CEP83: variants seen among roughly 807,000 people sequenced by gnomAD.
The protein encoded by CEP83 is centrosomal protein 83.
Under a neutral mutation model 101.9 loss-of-function variants are expected in CEP83, and 70 were observed. The observed-to-expected ratio is 0.69, with a 90% CI of 0.57 to 0.84. The LOEUF (loss-of-function observed/expected upper bound fraction) is 0.84, where lower values mean the gene tolerates loss of function less well. CEP83 is among the 40% of genes least tolerant of loss of function. The pLI, the probability that CEP83 is intolerant of heterozygous loss-of-function variation, is 0.00. For missense variants in CEP83, 715 were observed against 787.2 expected (o/e 0.91, Z 1.10); for synonymous variants, 264 against 267.9 (o/e 0.99, Z 0.14).
At chr12:94,348,931 TCAA>T (rs2060072865) in intron 11 of CEP83, among the ~76,000 whole-genome samples, 1 of 152,002 alleles carries the variant, frequency 6.6e-6, no homozygotes, top group Non-Finnish European at 1.5e-5. Flanking sequence ...TTTAAGCATC[TCAA>T]CAACTTTTTG....
chr12:94,390,318 A>C (rs1323085331), intron 6 of CEP83, among the ~76,000 whole-genome samples: 1 of 152,180 alleles, frequency 6.6e-6, no homozygotes, highest in Admixed American at 6.5e-5. Context: ...TCTGCTGGTG[A>C]TACCCAGGCA....
chr12:94,325,210 T>C (rs1026968791), intron 14 of CEP83, among the ~76,000 whole-genome samples: 1 of 151,728 alleles, frequency 6.6e-6, no homozygotes, highest in Non-Finnish European at 1.5e-5. Context: ...CTTGCTGTGC[T>C]GCCCAGGCTG....
At chr12:94,443,787 T>A (rs1403418604) in intron 1 of CEP83, among the ~76,000 whole-genome samples, 1 of 152,174 alleles carries the variant, frequency 6.6e-6, no homozygotes, top group Non-Finnish European at 1.5e-5. Flanking sequence ...GTGCCCGGCC[T>A]AATTTATTCT....
chr12:94,367,018 G>A (rs1279714065), intron 11 of CEP83, among the ~76,000 whole-genome samples: 1 of 152,094 alleles, frequency 6.6e-6, no homozygotes, highest in Non-Finnish European at 1.5e-5. Context: ...AATATATTTA[G>A]AGGAGAAGGG....
intron 11 of CEP83, among the ~76,000 whole-genome samples, chr12:94,353,421 G>A (rs1404675130): frequency 6.6e-6 from 1 of 152,124 alleles, no homozygotes; most frequent in Non-Finnish European, 1.5e-5. Flanking sequence ...CTCACTAGTA[G>A]AGCAGATAGA....
intron 1 of CEP83, among the ~76,000 whole-genome samples, chr12:94,457,392 G>C (rs533071947): frequency 2.0e-5 from 3 of 152,164 alleles, no homozygotes; most frequent in Non-Finnish European, 2.9e-5. Flanking sequence ...CTACTTTTAG[G>C]CAAAGAGACA....
At chr12:94,341,150 A>G (rs2059667380) in intron 11 of CEP83, among the ~76,000 whole-genome samples, 1 of 152,192 alleles carries the variant, frequency 6.6e-6, no homozygotes, top group Admixed American at 6.5e-5. Flanking sequence ...TTTGAAATAC[A>G]GTACTTTTAT....
At chr12:94,326,741 A>G (rs1053187337) in intron 14 of CEP83, among the ~76,000 whole-genome samples, 3 of 152,184 alleles carry the variant, frequency 2.0e-5, no homozygotes, top group African/African-American at 7.2e-5. Context: ...TCATGTAAAG[A>G]CAAGGCAGAG....
intron 1 of CEP83, among the ~76,000 whole-genome samples, chr12:94,443,163 C>T (rs995111375): frequency 1.4e-5 from 2 of 144,706 alleles, no homozygotes; most frequent in Non-Finnish European, 3.1e-5. Flanking sequence ...CATTTTGCTG[C>T]CCCACAGGAC....
chr12:94,301,162 G>C, the CEP83 span: 2 of 831,068 alleles, frequency 2.4e-6, no homozygotes, highest in East Asian at 5.3e-5. Flanking sequence ...AACTACACCA[G>C]CTAAAAAGAG....
At chr12:94,318,244 AT>A (rs1339141116) in intron 14 of CEP83, among the ~76,000 whole-genome samples, 2 of 152,100 alleles carry the variant, frequency 1.3e-5, no homozygotes, top group East Asian at 3.9e-4. Context: ...AATGCTAGTG[AT>A]TTTTGTACAT....
At chr12:94,275,929 C>A in the CEP83 span, among the ~76,000 whole-genome samples, 5 of 147,980 alleles carry the variant, frequency 3.4e-5, no homozygotes, top group African/African-American at 1.2e-4. Context: ...AAAATGAACA[C>A]ATATCAATTT....
intron 6 of CEP83, among the ~76,000 whole-genome samples, chr12:94,396,517 T>C (rs1318037364): frequency 6.6e-6 from 1 of 152,014 alleles, no homozygotes; most frequent in Non-Finnish European, 1.5e-5. Context: ...CTCGATCTCC[T>C]GACCCCGTGA....
intron 6 of CEP83, among the ~76,000 whole-genome samples, chr12:94,393,511 C>A (rs2062692861): frequency 6.6e-6 from 1 of 152,150 alleles, no homozygotes; most frequent in South Asian, 2.1e-4. Context: ...AAACCCACAG[C>A]CAATATCATA....
intron 8 of CEP83, among the ~76,000 whole-genome samples, chr12:94,374,263 T>C (rs1386003042): frequency 1.3e-5 from 2 of 152,114 alleles, no homozygotes; most frequent in Admixed American, 6.5e-5. Flanking sequence ...AAAAGTATTA[T>C]ACTTGGTGGC....
intron 1 of CEP83, among the ~76,000 whole-genome samples, chr12:94,450,377 G>T (rs775760312): frequency 6.6e-6 from 1 of 151,964 alleles, no homozygotes; most frequent in African/African-American, 2.4e-5. Context: ...TCAGCCTCCC[G>T]AGTAGCTGGG....
At chr12:94,386,285 G>C (rs1392771537) in intron 6 of CEP83, among the ~76,000 whole-genome samples, 1 of 152,094 alleles carries the variant, frequency 6.6e-6, no homozygotes, top group East Asian at 1.9e-4. Context: ...TTTCCACTCT[G>C]TCTAACGGAA....
At chr12:94,369,253 G>C (rs1250221629) in intron 9 of CEP83, 1 of 152,326 alleles carries the variant, frequency 6.6e-6, no homozygotes, top group Non-Finnish European at 1.5e-5. Flanking sequence ...AGGAGATCAA[G>C]ACCATCCTGG....
chr12:94,271,701 G>A, the CEP83 span, among the ~76,000 whole-genome samples: 28 of 152,294 alleles, frequency 1.8e-4, no homozygotes, highest in African/African-American at 6.5e-4. Flanking sequence ...CATGTACCAC[G>A]TCTAGCCATC....
Sources: allele counts gnomAD v4.1 joint callset (sites outside exome capture counted in the v4.1 genomes callset), GRCh38; gene constraint gnomAD v4.1.1; transcripts MANE v1.5; gene names NCBI Gene and HGNC (gene_info 2026-07-23, HGNC 2026-07-21).